The following CFTR variants were observed in gnomAD, a reference collection of about 807,000 sequenced individuals.
The protein encoded by CFTR is CF transmembrane conductance regulator, also known as cystic fibrosis transmembrane conductance regulator.
A neutral mutation model predicts 171.6 loss-of-function variants in CFTR; 181 were observed. The ratio of observed to expected loss-of-function variants is 1.05; its 90% confidence interval spans 0.93 to 1.19. CFTR has a LOEUF of 1.19. Among genes scored for constraint, CFTR ranks in the 50% most tolerant of loss-of-function variants. The probability of loss-of-function intolerance (pLI) is 0.00; values close to 1 mark genes in which losing one functional copy is unlikely to be tolerated. For missense variants in CFTR, 1,968 were observed against 1,734.7 expected, an observed-to-expected ratio of 1.13 and a Z score of -2.39; for synonymous variants, 583 against 608.0, an observed-to-expected ratio of 0.96 and a Z score of 0.60.
intron 9 of CFTR, among the ~76,000 whole-genome samples, chr7:117,546,774 C>T (rs1326066066): frequency 6.6e-6 from 1 of 152,156 alleles, no homozygotes; most frequent in Non-Finnish European, 1.5e-5. Flanking sequence ...TCACACCATT[C>T]CTGAGATATA....
intron 8 of CFTR, among the ~76,000 whole-genome samples, chr7:117,540,882 C>T (rs146672829): frequency 6.6e-6 from 1 of 152,116 alleles, no homozygotes; most frequent in Admixed American, 6.6e-5. Context: ...TCTTATTTAA[C>T]CTTTCATTTA....
At chr7:117,488,740 C>G (rs1312246097) in intron 1 of CFTR, among the ~76,000 whole-genome samples, 1 of 151,930 alleles carries the variant, frequency 6.6e-6, no homozygotes, top group Non-Finnish European at 1.5e-5. Flanking sequence ...AACAGTTAAC[C>G]TAGTGCTCTA....
At chr7:117,640,441 G>A (rs569773335) in intron 22 of CFTR, among the ~76,000 whole-genome samples, 103 of 152,134 alleles carry the variant, frequency 6.8e-4, no homozygotes, top group Admixed American at 6.7e-3. Flanking sequence ...AAAAATTTTA[G>A]TATTTTTTTC....
chr7:117,616,976 G>C (rs1298044517), intron 21 of CFTR, among the ~76,000 whole-genome samples: 1 of 152,140 alleles, frequency 6.6e-6, no homozygotes, highest in African/African-American at 2.4e-5. Flanking sequence ...TATGTTGAGA[G>C]TAGGAAATAG....
chr7:117,551,461 T>C (rs1482804716), intron 10 of CFTR, among the ~76,000 whole-genome samples: 1 of 152,342 alleles, frequency 6.6e-6, no homozygotes, highest in East Asian at 1.9e-4. Context: ...CTAGATTTTC[T>C]GTTACTTTGT....
At position 117,602,866 on chromosome 7, in the gene CFTR, G is replaced by T. The variant is rs1562911279; in HGVS notation, c.2657+3G>T. The T allele has an allele frequency of 6.2e-7, 1 of 1,611,604 alleles. No homozygotes were observed. The highest frequency in any genetic ancestry group is 2.2e-5 in the East Asian group (1 of 44,870). ...GTTGTGCTGTGGCTCCTTGGAAAGT[G>T]AGTATTCCATGTCCTATTGTGTAGA... is the stretch of plus-strand genomic sequence containing the variant. On this transcript the variant is annotated splice_donor_region_variant and intron_variant, in intron 16 of 26. Coordinates refer to ENST00000003084, the MANE Select transcript of CFTR (RefSeq NM_000492.4).
At chr7:117,486,029 G>A (rs1272548247) in intron 1 of CFTR, among the ~76,000 whole-genome samples, 1 of 152,178 alleles carries the variant, frequency 6.6e-6, no homozygotes, top group African/African-American at 2.4e-5. Context: ...AAGCAAGTGG[G>A]ACTGTGGGCA....
At chr7:117,500,789 T>C (rs1798312485) in intron 1 of CFTR, among the ~76,000 whole-genome samples, 2 of 152,230 alleles carry the variant, frequency 1.3e-5, no homozygotes, top group African/African-American at 4.8e-5. Flanking sequence ...TACTAAGTGA[T>C]ACTAATAATT....
intron 25 of CFTR, 111 bp downstream of exon 25, chr7:117,664,971 TC>T: frequency 9.0e-7 from 1 of 1,117,278 alleles, no homozygotes; most frequent in South Asian, 1.2e-5. Context: ...TGTGGGGGTC[TC>T]CCCCAAGATA....
chr7:117,627,650 G>T lies in CFTR; in HGVS notation c.3597G>T (p.Lys1199Asn). The T allele has an allele frequency of 6.2e-7, 1 of 1,613,494 alleles. No individual in the cohort carries two copies. The highest frequency in any genetic ancestry group is 1.1e-5 in the South Asian group (1 of 91,068). ...TGATTATTGAGAATTCACACGTGAAGAAAGATGACATCTGGCCCTCAGGGG... is the reference window on the plus strand; with the variant it reads ...TGATTATTGAGAATTCACACGTGAATAAAGATGACATCTGGCCCTCAGGGG... ...KVMIIENSHV[K>N]KDDIWPSGGQ... is the part of the protein sequence containing the mutation. The change falls in exon 22 of 27, where the codon AAG (lysine) becomes AAT (asparagine). Residue 1199 changes from lysine (K) to asparagine (N), a missense_variant. Physicochemically the swap from Lys to Asn is moderately conservative, Grantham distance 94. Coordinates refer to ENST00000003084, the MANE Select transcript of CFTR (RefSeq NM_000492.4).
intron 24 of CFTR, among the ~76,000 whole-genome samples, chr7:117,658,891 T>C (rs1453562003): frequency 1.3e-5 from 2 of 152,194 alleles, no homozygotes; most frequent in African/African-American, 4.8e-5. Context: ...CTGGTGATCT[T>C]TCCAAACCCC....
In CFTR at chr7:117,592,669, T is replaced by A. The variant is rs1185896776; in HGVS notation, c.2490+12T>A. The A allele has an allele frequency of 1.9e-5, 29 of 1,518,336 alleles. No individual in the cohort carries two copies. The East Asian group carries it at 6.6e-4, about 35-fold the overall frequency. The allele number at this position is 1,518,336 out of a possible 1,614,324, so 94.1% of individuals were successfully genotyped here. A position where few individuals can be genotyped will look rare whatever the true frequency, so the allele number is the denominator to read the frequency against. On this transcript the variant is annotated intron_variant, in intron 14 of 26. Transcript: ENST00000003084. ...AAGAAGACTTAAAGGTAGGTATACA[T>A]CGCTTGGGGGTATTTCACCCCACAG... is the stretch of plus-strand genomic sequence containing the variant.
intron 11 of CFTR, among the ~76,000 whole-genome samples, chr7:117,573,946 A>G (rs1265914263): frequency 6.6e-6 from 1 of 152,100 alleles, no homozygotes; most frequent in African/African-American, 2.4e-5. Flanking sequence ...AGTATGAACA[A>G]AGAGAAGTAG....
chr7:117,583,675 T>C (rs1423463985), intron 11 of CFTR, among the ~76,000 whole-genome samples: 1 of 152,108 alleles, frequency 6.6e-6, no homozygotes, highest in Non-Finnish European at 1.5e-5. Flanking sequence ...CTTCTTTTCC[T>C]TTGGGTAGAT....
At chr7:117,560,603 T>G (rs1321584587) in intron 11 of CFTR, 3 of 152,000 alleles carry the variant, frequency 2.0e-5, no homozygotes, top group African/African-American at 7.2e-5. Context: ...GGTTGCATGC[T>G]TACATGAATG....
chr7:117,612,443 T>C (rs1792422492), intron 20 of CFTR, among the ~76,000 whole-genome samples: 1 of 152,028 alleles, frequency 6.6e-6, no homozygotes, highest in Non-Finnish European at 1.5e-5. Context: ...TCTGGATTGA[T>C]TTTAGGATCT....
At chr7:117,638,663 G>A (rs1186568611) in intron 22 of CFTR, among the ~76,000 whole-genome samples, 2 of 151,968 alleles carry the variant, frequency 1.3e-5, no homozygotes, top group Admixed American at 6.6e-5. Context: ...TTGAACCTGG[G>A]AGGTGGAGGT....
At chr7:117,620,515 T>A (rs1445311746) in intron 21 of CFTR, among the ~76,000 whole-genome samples, 3 of 152,182 alleles carry the variant, frequency 2.0e-5, no homozygotes, top group Admixed American at 1.3e-4. Flanking sequence ...TATTCACTGC[T>A]GCAATTGTCA....
chr7:117,595,185 A>T, intron 15 of CFTR, 127 bp downstream of exon 15: 1 of 697,078 alleles, frequency 1.4e-6, no homozygotes, highest in African/African-American at 1.8e-5. Context: ...ATAAGTATGC[A>T]TATATACACA....
Sources: gnomAD v4.1 joint callset for allele counts (sites outside exome capture counted in the v4.1 genomes callset) on GRCh38, gnomAD v4.1.1 for gene constraint, MANE v1.5 for transcripts, NCBI Gene and HGNC (gene_info 2026-07-23, HGNC 2026-07-21) for gene names.